Variants in HDAC9 observed in about 807,000 individuals in gnomAD.
HDAC9 encodes histone deacetylase 9.
HDAC9 carries 41 observed loss-of-function variants against 139.4 expected under a neutral mutation model. The observed-to-expected ratio is 0.29, with a 90% CI of 0.23 to 0.38. The LOEUF is 0.38. Among genes scored for constraint, HDAC9 ranks in the 10% least tolerant of loss-of-function variants. HDAC9 has a pLI of 1.00. For missense variants in HDAC9, 1,147 were observed against 1,297.0 expected, an observed-to-expected ratio of 0.88 and a Z score of 1.78; for synonymous variants, 517 against 476.2, an observed-to-expected ratio of 1.09 and a Z score of -1.12.
intron 2 of HDAC9, among the ~76,000 whole-genome samples, chr7:18,562,724 A>G (rs1385242810): frequency 6.6e-6 from 1 of 152,072 alleles, no homozygotes; most frequent in Non-Finnish European, 1.5e-5. Context: ...AGGTTATTTT[A>G]GCTATACTGG....
At chr7:18,192,018 C>G (rs938317362) in intron 2 of HDAC9, among the ~76,000 whole-genome samples, 1 of 152,112 alleles carries the variant, frequency 6.6e-6, no homozygotes, top group Non-Finnish European at 1.5e-5. Context: ...GAAAAAAACC[C>G]TTAATTGTGA....
chr7:18,252,202 T>A (rs1004590125), intron 2 of HDAC9, among the ~76,000 whole-genome samples: 1 of 152,070 alleles, frequency 6.6e-6, no homozygotes, highest in Non-Finnish European at 1.5e-5. Flanking sequence ...ACAAGAGAAA[T>A]GTGGAACTAC....
At chr7:18,819,648 A>G (rs146326075) in intron 17 of HDAC9, among the ~76,000 whole-genome samples, 2,862 of 152,330 alleles carry the variant, frequency 0.019, 96 homozygotes, top group African/African-American at 0.065. Context: ...TAAACTAAGG[A>G]GAAACATCCA....
intron 17 of HDAC9, among the ~76,000 whole-genome samples, chr7:18,820,363 A>G (rs944176530): frequency 6.6e-6 from 1 of 152,212 alleles, no homozygotes; most frequent in Non-Finnish European, 1.5e-5. Flanking sequence ...AATACTATAC[A>G]AATTCCCTGT....
At chr7:18,583,406 G>T (rs112486912) in intron 2 of HDAC9, among the ~76,000 whole-genome samples, 2 of 152,054 alleles carry the variant, frequency 1.3e-5, no homozygotes, top group African/African-American at 4.8e-5. Context: ...GAAGCATTTT[G>T]TTTGGTTCCT....
chr7:18,413,428 T>C (rs1261940979), intron 1 of HDAC9, among the ~76,000 whole-genome samples: 1 of 152,138 alleles, frequency 6.6e-6, no homozygotes, highest in Non-Finnish European at 1.5e-5. Context: ...TTAGTTTCCT[T>C]GTTGATATTT....
At chr7:18,902,074 A>G (rs1364471814) in intron 22 of HDAC9, among the ~76,000 whole-genome samples, 1 of 152,204 alleles carries the variant, frequency 6.6e-6, no homozygotes, top group Admixed American at 6.5e-5. Flanking sequence ...CTACCCTCAC[A>G]GGCAACTGTT....
intron 1 of HDAC9, 90 bp downstream of exon 1, chr7:18,496,113 C>T (rs1796870529): frequency 7.2e-7 from 1 of 1,396,532 alleles, no homozygotes; most frequent in Non-Finnish European, 9.7e-7. Context: ...TGATCCTCTG[C>T]TGCTTCTCCT....
intron 12 of HDAC9, chr7:18,668,787 C>T (rs1795470484): frequency 1.0e-6 from 1 of 982,422 alleles, no homozygotes; most frequent in South Asian, 4.7e-5. Flanking sequence ...GTATGTTTCC[C>T]TTCTTGCCTT....
At chr7:18,295,191 ATT>A (rs1798061626) in intron 1 of HDAC9, among the ~76,000 whole-genome samples, 3 of 152,152 alleles carry the variant, frequency 2.0e-5, no homozygotes. Context: ...AAATTCCAAA[ATT>A]TAGAAGACAG....
chr7:18,582,735 A>G (rs1320238171), intron 2 of HDAC9, among the ~76,000 whole-genome samples: 5 of 152,206 alleles, frequency 3.3e-5, no homozygotes, highest in East Asian at 1.9e-4. Flanking sequence ...TTTTTTCCCT[A>G]TTCAGTATTG....
chr7:18,836,848 G>A (rs369454835), intron 21 of HDAC9, among the ~76,000 whole-genome samples: 6 of 151,068 alleles, frequency 4.0e-5, no homozygotes, highest in Admixed American at 6.6e-5. Context: ...ATAATTTCTC[G>A]AATTTTTTAT....
intron 11 of HDAC9, among the ~76,000 whole-genome samples, chr7:18,662,569 G>A (rs1793547797): frequency 6.6e-6 from 1 of 152,110 alleles, no homozygotes; most frequent in African/African-American, 2.4e-5. Context: ...GGGGTTGACT[G>A]AGATAGGAGT....
At chr7:18,666,608 T>C in intron 12 of HDAC9, 132 bp downstream of exon 12, 1 of 1,479,764 alleles carries the variant, frequency 6.8e-7, no homozygotes, top group Non-Finnish European at 9.0e-7. Flanking sequence ...GTTCAGTGTT[T>C]AAGGATTCTA....
chr7:18,415,220 G>T (rs1234081324), intron 1 of HDAC9, among the ~76,000 whole-genome samples: 2 of 152,216 alleles, frequency 1.3e-5, no homozygotes, highest in Non-Finnish European at 2.9e-5. Flanking sequence ...AGACTGTGAT[G>T]TAGTTCTCGA....
intron 22 of HDAC9, among the ~76,000 whole-genome samples, chr7:18,897,139 T>A (rs546470613): frequency 4.0e-5 from 6 of 150,436 alleles, no homozygotes; most frequent in South Asian, 2.2e-4. Flanking sequence ...AGAAAAAAAA[T>A]TTAATTAAAT....
chr7:18,434,451 G>A (rs539422476), intron 1 of HDAC9, among the ~76,000 whole-genome samples: 2 of 152,138 alleles, frequency 1.3e-5, no homozygotes, highest in African/African-American at 4.8e-5. Flanking sequence ...AGACAGTATC[G>A]ACAGAATAAA....
At chr7:18,296,398 T>C (rs563205864) in intron 1 of HDAC9, among the ~76,000 whole-genome samples, 1 of 139,246 alleles carries the variant, frequency 7.2e-6, no homozygotes, top group East Asian at 2.0e-4. Flanking sequence ...TTCTCTTGAT[T>C]ATAACATAAT....
intron 6 of HDAC9, among the ~76,000 whole-genome samples, chr7:18,628,759 G>T (rs1781447316): frequency 6.6e-6 from 1 of 152,056 alleles, no homozygotes; most frequent in Non-Finnish European, 1.5e-5. Context: ...TGTATAGAAT[G>T]TCTTATTTGC....
Sources: allele counts gnomAD v4.1 joint callset (sites outside exome capture counted in the v4.1 genomes callset), GRCh38; gene constraint gnomAD v4.1.1; transcripts MANE v1.5; gene names NCBI Gene and HGNC (gene_info 2026-07-23, HGNC 2026-07-21).